Variants in STK33 observed in about 807,000 individuals in gnomAD.
The protein encoded by STK33 is serine/threonine kinase 33, also known as serine/threonine-protein kinase 33.
A neutral mutation model predicts 58.0 loss-of-function variants in STK33; 52 were observed. The ratio of observed to expected loss-of-function variants is 0.90; its 90% confidence interval spans 0.72 to 1.13. STK33 has a LOEUF of 1.13. Ranked by LOEUF, STK33 falls within the 50% of genes most tolerant of loss-of-function variation. STK33 has a pLI of 0.00. For missense variants in STK33, 630 were observed against 604.2 expected (o/e 1.04, Z -0.45); for synonymous variants, 215 against 200.1 (o/e 1.07, Z -0.63).
At chr11:8,416,689 C>T (rs1484384494) in intron 14 of STK33, among the ~76,000 whole-genome samples, 3 of 152,166 alleles carry the variant, frequency 2.0e-5, no homozygotes, top group Admixed American at 6.6e-5. Context: ...AGCTGAGATT[C>T]TACATGTCTA....
chr11:8,489,450 G>C (rs1950437560), intron 1 of STK33, among the ~76,000 whole-genome samples: 1 of 152,110 alleles, frequency 6.6e-6, no homozygotes, highest in Non-Finnish European at 1.5e-5. Flanking sequence ...TTGGCTCATG[G>C]TTCTAGAGAC....
chr11:8,389,303 G>A (rs143519679), downstream of STK33, among the ~76,000 whole-genome samples: 7,235 of 152,348 alleles, frequency 0.047, 251 homozygotes, highest in Non-Finnish European at 0.064. Flanking sequence ...AGGCACTCGG[G>A]AGTCAGCGTC....
At chr11:8,440,832 T>C (rs950387243) in intron 11 of STK33, 79 bp from the exon 12 acceptor site, 3 of 1,348,192 alleles carry the variant, frequency 2.2e-6, no homozygotes, top group East Asian at 2.5e-5. Context: ...GCATGAAAAA[T>C]GTGCTGATGT....
At chr11:8,579,948 T>C (rs879262688) in intron 1 of STK33, among the ~76,000 whole-genome samples, 1 of 152,144 alleles carries the variant, frequency 6.6e-6, no homozygotes, top group Non-Finnish European at 1.5e-5. Flanking sequence ...ACGGCTTTTA[T>C]CCAAAAGACA....
At chr11:8,428,253 G>C (rs907308288) in intron 14 of STK33, among the ~76,000 whole-genome samples, 1 of 152,300 alleles carries the variant, frequency 6.6e-6, no homozygotes, top group Non-Finnish European at 1.5e-5. Context: ...ATTCAGGCAC[G>C]GCTTCAGTGC....
downstream of STK33, among the ~76,000 whole-genome samples, chr11:8,391,589 G>A (rs1217888335): frequency 6.6e-6 from 1 of 152,210 alleles, no homozygotes; most frequent in Non-Finnish European, 1.5e-5. Context: ...ATGACTTTAT[G>A]AAGGTAAAAG....
chr11:8,465,563 G>C (rs867666436), intron 6 of STK33: 15 of 152,124 alleles, frequency 9.9e-5, no homozygotes, highest in African/African-American at 3.6e-4. Flanking sequence ...TTATCAATTT[G>C]GTTTTGGGGG....
rs376519214 is a variant in STK33 at position 8,527,109 on chromosome 11, C to T, written c.-465-46495G>A. Among the ~76,000 whole-genome samples the T allele has an allele frequency of 1.4e-4, 21 of 151,438 alleles. No individual in the cohort carries two copies. The East Asian group carries it at 3.5e-3, about 25-fold the overall frequency. On this transcript the variant is annotated intron_variant, in intron 1 of 15. Transcript: ENST00000687296. ...GCCTCAGCCTGGGATTACAGGTGCC[C>T]GCCACAATGCCCAGCTAACATATAT...
intron 8 of STK33, among the ~76,000 whole-genome samples, chr11:8,459,291 T>G (rs1947240270): frequency 6.6e-6 from 1 of 152,188 alleles, no homozygotes; most frequent in Non-Finnish European, 1.5e-5. Flanking sequence ...GCAATTTCTA[T>G]TAATACTTAA....
chr11:8,441,528 A>T (rs1944744850), intron 11 of STK33, among the ~76,000 whole-genome samples: 1 of 151,898 alleles, frequency 6.6e-6, no homozygotes, highest in Admixed American at 6.6e-5. Flanking sequence ...ATTGTTTTTT[A>T]AAAATTATTT....
intron 1 of STK33, among the ~76,000 whole-genome samples, chr11:8,489,170 T>A (rs1190348541): frequency 6.7e-6 from 1 of 150,118 alleles, no homozygotes; most frequent in Non-Finnish European, 1.5e-5. Flanking sequence ...GGTGGGAGGA[T>A]TACTTGAGCT....
chr11:8,534,564 C>CTGTGTGTGTGTGTGTG (rs1308409632), intron 1 of STK33, among the ~76,000 whole-genome samples: 1 of 118,402 alleles, frequency 8.4e-6, no homozygotes, highest in African/African-American at 3.8e-5. Flanking sequence ...CTCTCTCTCT[C>CTGTGTGTGTGTGTGTG]TCTCTGTGTG....
At chr11:8,469,010 TGGTGG>T (rs1385279551) in intron 6 of STK33, among the ~76,000 whole-genome samples, 1 of 152,238 alleles carries the variant, frequency 6.6e-6, no homozygotes, top group Non-Finnish European at 1.5e-5. Flanking sequence ...ATCTTTTTGC[TGGTGG>T]AGGGTCCTGC....
At chr11:8,557,478 C>A (rs1004355670) in intron 1 of STK33, among the ~76,000 whole-genome samples, 1 of 151,956 alleles carries the variant, frequency 6.6e-6, no homozygotes, top group Non-Finnish European at 1.5e-5. Flanking sequence ...TGTACTTACA[C>A]AAGGAAAACC....
intron 8 of STK33, among the ~76,000 whole-genome samples, chr11:8,457,952 G>T (rs962455158): frequency 1.2e-4 from 18 of 152,160 alleles, no homozygotes; most frequent in African/African-American, 4.3e-4. Flanking sequence ...GTAGGGTGGA[G>T]AACAATGAAG....
chr11:8,521,115 T>C (rs994424172), intron 1 of STK33, among the ~76,000 whole-genome samples: 1 of 151,856 alleles, frequency 6.6e-6, no homozygotes, highest in African/African-American at 2.4e-5. Context: ...CTTCACAGAA[T>C]TGGAAAAAAC....
intron 14 of STK33, among the ~76,000 whole-genome samples, chr11:8,420,242 TCA>T (rs1941721309): frequency 6.6e-6 from 1 of 152,170 alleles, no homozygotes; most frequent in South Asian, 2.1e-4. Flanking sequence ...CTGAAGTGTT[TCA>T]GAGTCCAAGG....
the STK33 span, among the ~76,000 whole-genome samples, chr11:8,380,453 A>G: frequency 6.6e-5 from 10 of 151,930 alleles, no homozygotes; most frequent in Non-Finnish European, 1.2e-4. Flanking sequence ...CCAGCTACTC[A>G]GGAGGCTGAG....
intron 14 of STK33, among the ~76,000 whole-genome samples, chr11:8,428,975 CT>C (rs942195460): frequency 1.3e-5 from 2 of 151,908 alleles, no homozygotes; most frequent in Admixed American, 6.6e-5. Context: ...TAAATTTGAA[CT>C]TTTTTTGTAA....
Sources: gnomAD v4.1 joint callset for allele counts (sites outside exome capture counted in the v4.1 genomes callset) on GRCh38, gnomAD v4.1.1 for gene constraint, MANE v1.5 for transcripts, NCBI Gene and HGNC (gene_info 2026-07-23, HGNC 2026-07-21) for gene names.